KATNBL1: variants seen among roughly 807,000 people sequenced by gnomAD.
KATNBL1 encodes the protein KATNB1-like protein 1.
A neutral mutation model predicts 44.7 loss-of-function variants in KATNBL1; 28 were observed. The observed-to-expected ratio is 0.63, with a 90% CI of 0.46 to 0.86. The LOEUF (loss-of-function observed/expected upper bound fraction) is 0.86. Among genes scored for constraint, KATNBL1 ranks in the 40% least tolerant of loss-of-function variants. The pLI is 0.00. For synonymous variants in KATNBL1, 78 were observed against 114.9 expected, an observed-to-expected ratio of 0.68 and a Z score of 2.06; for missense variants, 272 against 350.7, an observed-to-expected ratio of 0.78 and a Z score of 1.79.
intron 1 of KATNBL1, among the ~76,000 whole-genome samples, chr15:34,184,572 G>GTTTTT (rs1889664192): frequency 2.4e-4 from 3 of 12,350 alleles, no homozygotes; most frequent in Non-Finnish European, 3.9e-4. Context: ...CTCTCCTAAT[G>GTTTTT]TTTCTTTTTT....
chr15:34,156,232 C>T (rs1005216209), intron 2 of KATNBL1, among the ~76,000 whole-genome samples: 7 of 152,210 alleles, frequency 4.6e-5, no homozygotes, highest in African/African-American at 1.4e-4. Flanking sequence ...ACAAAATGAA[C>T]TCAGTGTCGG....
intron 1 of KATNBL1, among the ~76,000 whole-genome samples, chr15:34,176,105 T>G (rs571908062): frequency 6.6e-6 from 1 of 152,110 alleles, no homozygotes; most frequent in Non-Finnish European, 1.5e-5. Context: ...CCAGGCGTGG[T>G]GGCTCACGCC....
At chr15:34,175,245 T>C (rs1334119360) in intron 1 of KATNBL1, among the ~76,000 whole-genome samples, 8 of 152,112 alleles carry the variant, frequency 5.3e-5, no homozygotes, top group Non-Finnish European at 1.2e-4. Flanking sequence ...TTGGATCTTT[T>C]ATTTTTTCAG....
chr15:34,142,290 G>C lies in KATNBL1; in HGVS notation c.*49C>G, dbSNP rs1451370653. 1 of 1,555,042 alleles carries C rather than the reference G, an allele frequency of 6.4e-7. No homozygotes were observed. The highest frequency in any genetic ancestry group is 2.0e-5 in the Admixed American group (1 of 50,314). ...ACTTTTTTTTTTTGTAAATTATACA[G>C]TTCAGGGATGTTTTGAAAAACCAAA... is the stretch of plus-strand genomic sequence containing the variant. On this transcript the variant is annotated 3_prime_UTR_variant, in exon 10 of 10. Coordinates refer to ENST00000256544, the MANE Select transcript of KATNBL1 (RefSeq NM_024713.3).
chr15:34,191,180 T>TATATATATATATATATATATATAA (rs1567535838), intron 1 of KATNBL1, among the ~76,000 whole-genome samples: 1 of 140,430 alleles, frequency 7.1e-6, no homozygotes, highest in African/African-American at 2.6e-5. Flanking sequence ...TATATATATA[T>TATATATATATATATATATATATAA]ATATATATTT....
chr15:34,199,068 T>G (rs1326970552), intron 1 of KATNBL1, among the ~76,000 whole-genome samples: 1 of 152,212 alleles, frequency 6.6e-6, no homozygotes, highest in Non-Finnish European at 1.5e-5. Flanking sequence ...GCTACTCATG[T>G]ACTGTCCAGC....
At chr15:34,166,433 G>A (rs1714415133) in intron 1 of KATNBL1, among the ~76,000 whole-genome samples, 1 of 152,256 alleles carries the variant, frequency 6.6e-6, no homozygotes, top group Non-Finnish European at 1.5e-5. Context: ...AAGTGGCTGG[G>A]GGAAGCTCGA....
intron 1 of KATNBL1, among the ~76,000 whole-genome samples, chr15:34,202,709 G>A (rs1050455205): frequency 6.6e-6 from 1 of 152,058 alleles, no homozygotes; most frequent in African/African-American, 2.4e-5. Context: ...ATAAAATCTC[G>A]GCCAGGCGCG....
chr15:34,163,468 A>C, intron 2 of KATNBL1, 92 bp downstream of exon 2: 1 of 1,397,152 alleles, frequency 7.2e-7, no homozygotes, highest in Non-Finnish European at 9.7e-7. Context: ...CAGAATTATT[A>C]TCCTCCCATT....
intron 1 of KATNBL1, among the ~76,000 whole-genome samples, chr15:34,184,428 G>A (rs1889657969): frequency 6.6e-6 from 1 of 150,520 alleles, no homozygotes; most frequent in Admixed American, 6.6e-5. Context: ...GATCGCTACA[G>A]TGAACCGAGA....
intron 1 of KATNBL1, among the ~76,000 whole-genome samples, chr15:34,206,285 A>G (rs1033258646): frequency 4.6e-5 from 7 of 152,238 alleles, no homozygotes; most frequent in Non-Finnish European, 7.3e-5. Flanking sequence ...CAGACAGTAT[A>G]TAAAACTGAA....
intron 2 of KATNBL1, among the ~76,000 whole-genome samples, chr15:34,158,977 C>A (rs1423228174): frequency 2.0e-5 from 3 of 152,126 alleles, no homozygotes; most frequent in Non-Finnish European, 2.9e-5. Context: ...AGTCAGGAAA[C>A]CTGCTGGGTT....
intron 1 of KATNBL1, among the ~76,000 whole-genome samples, chr15:34,204,830 A>G (rs1890251830): frequency 6.6e-6 from 1 of 152,222 alleles, no homozygotes; most frequent in Non-Finnish European, 1.5e-5. Flanking sequence ...GTAGTTGGCT[A>G]AAATGCAGAA....
At chr15:34,207,588 C>A (rs773850893) in intron 1 of KATNBL1, among the ~76,000 whole-genome samples, 17 of 150,792 alleles carry the variant, frequency 1.1e-4, no homozygotes, top group Non-Finnish European at 2.1e-4. Flanking sequence ...TTCCTCCTAC[C>A]GTTGGCCTCC....
At chr15:34,153,132 AAAC>A in intron 3 of KATNBL1, 63 bp from the exon 4 acceptor site, 1 of 1,222,202 alleles carries the variant, frequency 8.2e-7, no homozygotes, top group South Asian at 1.5e-5. Context: ...AAAAGTTTTT[AAAC>A]AGAGAATTAA....
chr15:34,202,551 G>A (rs778769982), intron 1 of KATNBL1, among the ~76,000 whole-genome samples: 2 of 152,132 alleles, frequency 1.3e-5, no homozygotes, highest in African/African-American at 2.4e-5. Flanking sequence ...GCTGAAATCA[G>A]AACGTATATT....
intron 1 of KATNBL1, among the ~76,000 whole-genome samples, chr15:34,173,677 A>G (rs1005671620): frequency 1.3e-5 from 2 of 152,214 alleles, no homozygotes; most frequent in African/African-American, 4.8e-5. Context: ...ACTGGTATAC[A>G]TCGGAGCACA....
At chr15:34,190,585 G>A (rs1375583841) in intron 1 of KATNBL1, among the ~76,000 whole-genome samples, 2 of 152,112 alleles carry the variant, frequency 1.3e-5, no homozygotes, top group African/African-American at 4.8e-5. Flanking sequence ...TCCAGATATG[G>A]TTCCTCAATT....
chr15:34,191,154 C>CATATATATATATATATATATATAT (rs57428240), intron 1 of KATNBL1, among the ~76,000 whole-genome samples: 191 of 136,082 alleles, frequency 1.4e-3, no homozygotes, highest in Non-Finnish European at 2.2e-3. Flanking sequence ...AATCATAGAC[C>CATATATATATATATATATATATAT]ATATATATAT....
Sources: gnomAD v4.1 joint callset for allele counts (sites outside exome capture counted in the v4.1 genomes callset) on GRCh38, gnomAD v4.1.1 for gene constraint, MANE v1.5 for transcripts, NCBI Gene and HGNC (gene_info 2026-07-23, HGNC 2026-07-21) for gene names.